Variants in GPHN observed in about 807,000 individuals in gnomAD.
The protein encoded by GPHN is gephyrin.
Under a neutral mutation model 95.5 loss-of-function variants are expected in GPHN, and 17 were observed. The ratio of observed to expected loss-of-function variants is 0.18; its 90% CI spans 0.12 to 0.27. The LOEUF is 0.27. GPHN is among the 10% of genes least tolerant of loss of function. The pLI is 1.00. For missense variants in GPHN, 660 were observed against 978.1 expected, an observed-to-expected ratio of 0.67 and a Z score of 4.34; for synonymous variants, 320 against 322.5, an observed-to-expected ratio of 0.99 and a Z score of 0.08.
At chr14:67,581,274 GCACACA>G in the GPHN span, among the ~76,000 whole-genome samples, 4 of 148,084 alleles carry the variant, frequency 2.7e-5, no homozygotes, top group South Asian at 2.2e-4. Context: ...GTGTGTATAT[GCACACA>G]CACACACACA....
At position 66,828,335 on chromosome 14, in the gene GPHN, C is replaced by T. The variant is rs113989492; in HGVS notation, c.294+3769C>T. 3.1e-3 allele frequency among the ~76,000 whole-genome samples: 477 copies of T among 152,080 alleles called. 11 individuals carry two copies. Among genetic ancestry groups the T allele is most frequent in the African/African-American group, 0.011 (444 of 41,536 alleles). On this transcript the variant is annotated intron_variant, in intron 4 of 22. Transcript: ENST00000478722. ...TAGTTGCAGTTCTTATAATATCTAA[C>T]GTATAATATTGATGTGTCAGAAAGG...
At chr14:67,042,717 T>C (rs2074777514) in intron 10 of GPHN, among the ~76,000 whole-genome samples, 1 of 152,236 alleles carries the variant, frequency 6.6e-6, no homozygotes, top group Admixed American at 6.5e-5. Context: ...ATGTGGGCTC[T>C]TTTTTGGTTC....
the GPHN span, chr14:67,587,110 A>G: frequency 6.2e-7 from 1 of 1,613,342 alleles, no homozygotes; most frequent in Non-Finnish European, 8.5e-7. Flanking sequence ...CAGCTATATG[A>G]ACCATTGCAC....
the GPHN span, chr14:67,582,344 G>A: frequency 2.0e-6 from 3 of 1,472,938 alleles, no homozygotes; most frequent in Non-Finnish European, 2.8e-6. This position sits in a 1 kb window ranked among gnomAD's most constrained non-coding sequence, Gnocchi z 5.0. Flanking sequence ...TCTCTGGGAT[G>A]GAAAGCAGCT....
intron 21 of GPHN, among the ~76,000 whole-genome samples, chr14:67,169,963 G>A (rs187560032): frequency 5.3e-5 from 8 of 152,118 alleles, no homozygotes; most frequent in Non-Finnish European, 8.8e-5. Flanking sequence ...CTGTAATCCC[G>A]GCTATTCAGG....
chr14:67,194,328 C>T, the GPHN span, among the ~76,000 whole-genome samples: 26 of 150,910 alleles, frequency 1.7e-4, no homozygotes, highest in African/African-American at 5.9e-4. Context: ...CACTCCATTG[C>T]ACTCCAGCCT....
At chr14:67,273,265 C>T in the GPHN span, among the ~76,000 whole-genome samples, 1 of 151,832 alleles carries the variant, frequency 6.6e-6, no homozygotes, top group South Asian at 2.1e-4. Flanking sequence ...ATCGCTCCCC[C>T]CTCCCACCTC....
intron 8 of GPHN, among the ~76,000 whole-genome samples, chr14:66,944,264 G>T (rs979621921): frequency 1.3e-5 from 2 of 152,188 alleles, no homozygotes; most frequent in Non-Finnish European, 2.9e-5. Flanking sequence ...GCGGTTCATG[G>T]AGGGGAAGAG....
Position 67,181,428 on chromosome 14 carries a change from G to C in GPHN, c.*491G>C, listed in dbSNP as rs2083314303. On this transcript the variant is annotated 3_prime_UTR_variant, in exon 23 of 23. Coordinates refer to ENST00000478722, the MANE Select transcript of GPHN (RefSeq NM_020806.5). The stretch of plus-strand genomic sequence containing the variant: ...CGTGTTTATGTGCACAGTGCCAAAA[G>C]AAGACTGACTGGGTGGAGGCTCTGC... 1 of 509,424 alleles carries C rather than the reference G, an allele frequency of 2.0e-6. No individual in the cohort carries two copies. 31.6% of individuals were successfully genotyped at this position (509,424 alleles called of 1,614,324 possible).
intron 9 of GPHN, among the ~76,000 whole-genome samples, chr14:66,991,497 A>C (rs1351717135): frequency 6.6e-6 from 1 of 152,102 alleles, no homozygotes; most frequent in Non-Finnish European, 1.5e-5. Flanking sequence ...ACGGTGGCTC[A>C]TGCCTGTAAC....
chr14:67,104,800 A>G (rs1200079042), intron 13 of GPHN, among the ~76,000 whole-genome samples: 1 of 151,996 alleles, frequency 6.6e-6, no homozygotes, highest in Admixed American at 6.6e-5. Flanking sequence ...AGTCAACTTT[A>G]ATTTCATTCA....
the GPHN span, chr14:67,228,419 CTT>C: frequency 2.5e-6 from 1 of 402,978 alleles, no homozygotes; most frequent in Non-Finnish European, 3.3e-6. Flanking sequence ...ACTTCTCCAC[CTT>C]TTTTTAAAAT....
At chr14:66,973,147 TA>T (rs1355846231) in intron 9 of GPHN, among the ~76,000 whole-genome samples, 4 of 152,082 alleles carry the variant, frequency 2.6e-5, no homozygotes, top group Non-Finnish European at 5.9e-5. Context: ...TTTATATATA[TA>T]TTTTTTTTCC....
the GPHN span, among the ~76,000 whole-genome samples, chr14:67,248,162 C>CTTTAAAA: frequency 6.6e-6 from 1 of 152,118 alleles, no homozygotes; most frequent in South Asian, 2.1e-4. Context: ...GTTTCTGGGA[C>CTTTAAAA]TAACTCTGGG....
the GPHN span, among the ~76,000 whole-genome samples, chr14:67,611,779 G>A: frequency 2.6e-5 from 4 of 152,164 alleles, no homozygotes; most frequent in African/African-American, 7.2e-5. Context: ...AGACCAGGGT[G>A]GGGGGATGGT....
the GPHN span, chr14:67,384,180 C>G: frequency 6.6e-6 from 1 of 152,114 alleles, no homozygotes; most frequent in Non-Finnish European, 1.5e-5. Flanking sequence ...TAATAAGCTA[C>G]TTGCCTTGAG....
chr14:66,529,798 C>CTGCAGA (rs2058838633), intron 1 of GPHN, among the ~76,000 whole-genome samples: 1 of 152,154 alleles, frequency 6.6e-6, no homozygotes, highest in African/African-American at 2.4e-5. Flanking sequence ...CCAGTGGAGG[C>CTGCAGA]TGCAGAATGG....
At chr14:67,482,533 C>G in the GPHN span, among the ~76,000 whole-genome samples, 2 of 152,184 alleles carry the variant, frequency 1.3e-5, no homozygotes, top group African/African-American at 4.8e-5. Flanking sequence ...CCCAGCCACC[C>G]CCATCACTAC....
At chr14:66,731,802 A>C (rs1262117119) in intron 2 of GPHN, among the ~76,000 whole-genome samples, 1 of 152,210 alleles carries the variant, frequency 6.6e-6, no homozygotes, top group Non-Finnish European at 1.5e-5. Context: ...CCAGTGGCCT[A>C]GGAAGAAAAA....
Sources: allele counts gnomAD v4.1 joint callset (sites outside exome capture counted in the v4.1 genomes callset), GRCh38; gene constraint gnomAD v4.1.1; non-coding constraint Gnocchi (gnomAD v3.1); transcripts MANE v1.5; gene names NCBI Gene and HGNC (gene_info 2026-07-23, HGNC 2026-07-21).